Variants in PLSCR2 observed in about 807,000 individuals in gnomAD.
PLSCR2 encodes phospholipid scramblase 2.
A neutral mutation model predicts 25.3 loss-of-function variants in PLSCR2; 18 were observed. The observed-to-expected ratio is 0.71, with a 90% CI of 0.49 to 1.06. The LOEUF is 1.06. Ranked by LOEUF, PLSCR2 falls within the 50% of genes least tolerant of loss-of-function variation. The pLI is 0.00. For missense variants in PLSCR2, 243 were observed against 269.5 expected (o/e 0.90, Z 0.69); for synonymous variants, 88 against 87.3 (o/e 1.01, Z -0.04).
intron 2 of PLSCR2, among the ~76,000 whole-genome samples, chr3:146,397,671 A>C (rs1347248515): frequency 6.6e-6 from 1 of 152,108 alleles, no homozygotes; most frequent in African/African-American, 2.4e-5. Context: ...AAGATATTAC[A>C]ACGAGTAGGA....
chr3:146,477,447 C>T (rs1234762447), intron 1 of PLSCR2, among the ~76,000 whole-genome samples: 2 of 152,192 alleles, frequency 1.3e-5, no homozygotes, highest in African/African-American at 2.4e-5. Context: ...GTGCCTGGCT[C>T]GGCACGTCCC....
intron 1 of PLSCR2, among the ~76,000 whole-genome samples, chr3:146,481,953 C>CCTGACA (rs2043145835): frequency 6.6e-6 from 1 of 152,058 alleles, no homozygotes; most frequent in African/African-American, 2.4e-5. Context: ...GATTGACAAA[C>CCTGACA]CTGACAAGAA....
At chr3:146,491,789 T>G (rs1415991290) in intron 1 of PLSCR2, among the ~76,000 whole-genome samples, 1 of 152,230 alleles carries the variant, frequency 6.6e-6, no homozygotes, top group Non-Finnish European at 1.5e-5. Flanking sequence ...AAACTGCTTC[T>G]GTATCTTTGA....
intron 1 of PLSCR2, among the ~76,000 whole-genome samples, chr3:146,493,383 A>C (rs1249725342): frequency 6.6e-6 from 1 of 152,190 alleles, no homozygotes; most frequent in Non-Finnish European, 1.5e-5. Context: ...AAAACCCCTC[A>C]ACAAAATATG....
chr3:146,448,499 T>A (rs1220947002), intron 6 of PLSCR2, among the ~76,000 whole-genome samples: 1 of 152,174 alleles, frequency 6.6e-6, no homozygotes, highest in South Asian at 2.1e-4. Context: ...TTTAATAAAT[T>A]TGGATGGACA....
chr3:146,456,819 T>G (rs1360330906), intron 3 of PLSCR2, among the ~76,000 whole-genome samples: 1 of 152,150 alleles, frequency 6.6e-6, no homozygotes, highest in African/African-American at 2.4e-5. Context: ...ATTAAAAATG[T>G]CTTTTTTAAA....
intron 2 of PLSCR2, chr3:146,395,979 C>T (rs775119476): frequency 5.4e-5 from 14 of 260,400 alleles, no homozygotes; most frequent in Admixed American, 1.6e-4. Context: ...AAAGTTATTC[C>T]TGTACCAAAT....
intron 4 of PLSCR2, 69 bp from the exon 5 acceptor site, chr3:146,454,232 T>C: frequency 9.1e-7 from 1 of 1,101,806 alleles, no homozygotes; most frequent in Admixed American, 3.1e-5. Flanking sequence ...TAGCTCTAAT[T>C]TACTGAGCAT....
At chr3:146,468,220 G>C (rs1193441805) in intron 1 of PLSCR2, among the ~76,000 whole-genome samples, 4 of 152,130 alleles carry the variant, frequency 2.6e-5, no homozygotes, top group Non-Finnish European at 5.9e-5. Flanking sequence ...ATTTTCCTTT[G>C]TATGTGTTTT....
chr3:146,393,311 A>G (rs2038158392), intron 3 of PLSCR2, among the ~76,000 whole-genome samples: 1 of 149,918 alleles, frequency 6.7e-6, no homozygotes, highest in African/African-American at 2.4e-5. Context: ...TACAGGCGTG[A>G]GCCACCGTGC....
chr3:146,392,985 T>G (rs1222270302), intron 3 of PLSCR2, among the ~76,000 whole-genome samples: 1 of 151,496 alleles, frequency 6.6e-6, no homozygotes. Context: ...TTTAAATTTT[T>G]TGTTACGGCT....
chr3:146,429,543 C>T (rs1267367658), downstream of PLSCR2, among the ~76,000 whole-genome samples: 3 of 152,026 alleles, frequency 2.0e-5, no homozygotes, highest in East Asian at 5.8e-4. Flanking sequence ...TTCTAAGCAG[C>T]AAAGCATTCA....
At chr3:146,443,600 A>G (rs576815543) in intron 6 of PLSCR2, among the ~76,000 whole-genome samples, 131 of 152,058 alleles carry the variant, frequency 8.6e-4, no homozygotes, top group Non-Finnish European at 1.4e-3. Context: ...AGTATCAATT[A>G]AAGCGTCTCC....
downstream of PLSCR2, among the ~76,000 whole-genome samples, chr3:146,437,645 T>G (rs1241006370): frequency 2.0e-5 from 3 of 152,230 alleles, no homozygotes; most frequent in Non-Finnish European, 4.4e-5. Flanking sequence ...TTATTGCATC[T>G]ATTTGATTCT....
chr3:146,447,019 C>T (rs2040593031), intron 6 of PLSCR2, among the ~76,000 whole-genome samples: 2 of 152,190 alleles, frequency 1.3e-5, no homozygotes, highest in South Asian at 4.1e-4. Flanking sequence ...CTGATGTTCA[C>T]TCAAGGCCCA....
chr3:146,480,520 C>G (rs138645209), intron 1 of PLSCR2, among the ~76,000 whole-genome samples: 4,812 of 152,202 alleles, frequency 0.032, 223 homozygotes, highest in African/African-American at 0.1. Context: ...CACATACAAC[C>G]TCCCAAGACT....
At chr3:146,483,449 G>GTGTA (rs1553791480) in intron 1 of PLSCR2, among the ~76,000 whole-genome samples, 2 of 30,596 alleles carry the variant, frequency 6.5e-5, no homozygotes, top group African/African-American at 3.0e-4. Flanking sequence ...ATATACACAT[G>GTGTA]TATGTATATA....
rs763098958 is a variant in PLSCR2 at position 146,459,896 on chromosome 3, TGCTG to T, written c.5_8del (p.Pro2HisfsTer6). On this transcript the variant is annotated frameshift_variant, in exon 2 of 7. Coordinates refer to ENST00000610787, the Ensembl canonical transcript of PLSCR2. LOFTEE classifies it high-confidence loss of function. ...GCGGACAGTTTAATGGTGGTGGTGG[TGCTG>T]GCATCCATGGTACCCCTTCAGGTCT... The T allele has an allele frequency of 1.2e-6, 2 of 1,614,060 alleles. No homozygotes were observed. Among genetic ancestry groups the T allele is most frequent in the Non-Finnish European group, 1.7e-6 (2 of 1,179,984 alleles).
chr3:146,442,667 T>A (rs2040320232), intron 6 of PLSCR2, among the ~76,000 whole-genome samples: 1 of 151,946 alleles, frequency 6.6e-6, no homozygotes, highest in South Asian at 2.1e-4. Context: ...ACATTTGTAA[T>A]CAATTGATTT....
Sources: allele counts gnomAD v4.1 joint callset (sites outside exome capture counted in the v4.1 genomes callset), GRCh38; gene constraint gnomAD v4.1.1; transcripts MANE v1.5; gene names NCBI Gene and HGNC (gene_info 2026-07-23, HGNC 2026-07-21).